Variants in RAP1GAP2 observed in about 807,000 individuals in gnomAD.
RAP1GAP2 encodes RAP1 GTPase activating protein 2.
Under a neutral mutation model 95.0 loss-of-function variants are expected in RAP1GAP2, and 27 were observed. The ratio of observed to expected loss-of-function variants is 0.28; its 90% confidence interval spans 0.21 to 0.39. The LOEUF (loss-of-function observed/expected upper bound fraction) is 0.39. RAP1GAP2 is among the 10% of genes least tolerant of loss of function. RAP1GAP2 has a pLI of 1.00. For synonymous variants in RAP1GAP2, 373 were observed against 380.9 expected, an observed-to-expected ratio of 0.98 and a Z score of 0.24; for missense variants, 771 against 970.0, an observed-to-expected ratio of 0.79 and a Z score of 2.72.
chr17:2,893,012 TTC>T (rs2073770602), intron 2 of RAP1GAP2, among the ~76,000 whole-genome samples: 1 of 152,070 alleles, frequency 6.6e-6, no homozygotes, highest in South Asian at 2.1e-4. Context: ...TTCATCATAT[TTC>T]TTTTTCTCTT....
intron 3 of RAP1GAP2, among the ~76,000 whole-genome samples, chr17:2,915,365 G>C (rs1161924697): frequency 6.6e-6 from 1 of 151,892 alleles, no homozygotes; most frequent in African/African-American, 2.4e-5. Flanking sequence ...CGAGTAGCTG[G>C]GACTACAGGC....
At chr17:2,872,016 G>A (rs1184600078) in intron 2 of RAP1GAP2, among the ~76,000 whole-genome samples, 1 of 151,992 alleles carries the variant, frequency 6.6e-6, no homozygotes, top group Non-Finnish European at 1.5e-5. Context: ...CTGAGGCCAG[G>A]AATTCGAGAC....
At chr17:2,790,856 C>T (rs1487193052) in intron 1 of RAP1GAP2, among the ~76,000 whole-genome samples, 1 of 152,200 alleles carries the variant, frequency 6.6e-6, no homozygotes, top group Non-Finnish European at 1.5e-5. Flanking sequence ...GCCTGAACTG[C>T]CCCCTCCTCT....
At chr17:2,917,863 A>G (rs1567776278) in intron 3 of RAP1GAP2, among the ~76,000 whole-genome samples, 1 of 151,234 alleles carries the variant, frequency 6.6e-6, no homozygotes, top group Admixed American at 6.6e-5. Flanking sequence ...TTACAAGCAC[A>G]TGCCACCACA....
intron 17 of RAP1GAP2, among the ~76,000 whole-genome samples, chr17:3,010,355 A>G (rs908900637): frequency 1.6e-4 from 24 of 151,840 alleles, no homozygotes; most frequent in Non-Finnish European, 2.9e-4. Context: ...AAAAAAAAAA[A>G]AAAAAGAAAA....
Position 2,769,606 on chromosome 17 carries a change from TAAAAA to T in RAP1GAP2, c.51-721_51-717del, listed in dbSNP as rs983659796. The stretch of plus-strand genomic sequence containing the variant: ...ATAAATAAAATAAAATAAAATAAAA[TAAAAA>T]AGAAAAAATAAGTCCAATGTCTTAG... On this transcript the variant is annotated intron_variant, in intron 1 of 25. Transcript: ENST00000637138. Among the ~76,000 whole-genome samples the T allele has an allele frequency of 2.6e-5, 4 of 151,524 alleles. No individual in the cohort carries two copies. The South Asian group carries it at 6.3e-4, about 24-fold the overall frequency.
At chr17:2,880,683 A>G (rs947470136) in intron 2 of RAP1GAP2, among the ~76,000 whole-genome samples, 5 of 151,478 alleles carry the variant, frequency 3.3e-5, no homozygotes, top group East Asian at 3.9e-4. Context: ...TTCTGTCTCT[A>G]TGGATTTGCC....
At chr17:2,890,559 C>G (rs1186524138) in intron 2 of RAP1GAP2, among the ~76,000 whole-genome samples, 1 of 152,102 alleles carries the variant, frequency 6.6e-6, no homozygotes, top group Non-Finnish European at 1.5e-5. Context: ...GTGCTGGGCA[C>G]TGTGAGACGG....
intron 17 of RAP1GAP2, among the ~76,000 whole-genome samples, chr17:3,009,466 C>G (rs117922473): frequency 0.035 from 5,279 of 152,280 alleles, 173 homozygotes; most frequent in Admixed American, 0.1. Context: ...CTCAAAGAGA[C>G]AGAATCATTT....
Position 2,903,567 on chromosome 17 carries a change from C to A in RAP1GAP2, c.81-1717C>A, listed in dbSNP as rs1164077542. Among the ~76,000 whole-genome samples the A allele has an allele frequency of 6.6e-6, 1 of 152,206 alleles. No individual in the cohort carries two copies. The highest frequency in any genetic ancestry group is 1.5e-5 in the Non-Finnish European group (1 of 68,032). ...TTCTTGAGCCAGTTACAGCCTGGAT[C>A]AGGCGGGAGAGTCCCCCCTCTCCAG... On this transcript the variant is annotated intron_variant, in intron 2 of 24. Coordinates refer to ENST00000254695, the MANE Select transcript of RAP1GAP2 (RefSeq NM_015085.5). This position sits in a 1 kb window ranked among gnomAD's most constrained non-coding sequence, Gnocchi z 4.1.
chr17:2,828,428 A>G (rs983274978), intron 2 of RAP1GAP2, among the ~76,000 whole-genome samples: 8 of 152,008 alleles, frequency 5.3e-5, no homozygotes, highest in African/African-American at 1.9e-4. Flanking sequence ...TTGAAAAAAA[A>G]AAAGAAGTGG....
At chr17:2,921,485 G>A (rs2042767938) in intron 3 of RAP1GAP2, among the ~76,000 whole-genome samples, 1 of 152,198 alleles carries the variant, frequency 6.6e-6, no homozygotes. Context: ...TTACAGGCAT[G>A]AGCTACCATG....
chr17:2,877,094 G>A (rs906099843), intron 2 of RAP1GAP2, among the ~76,000 whole-genome samples: 3 of 151,888 alleles, frequency 2.0e-5, no homozygotes, highest in African/African-American at 7.3e-5. Flanking sequence ...TCTCCATGTT[G>A]CTCAGGCTGG....
Position 2,886,159 on chromosome 17 carries a change from G to GTA in RAP1GAP2, c.81-19124_81-19123insAT, listed in dbSNP as rs1183105503. Among the ~76,000 whole-genome samples, 181 of 119,666 alleles carry GTA rather than the reference G, an allele frequency of 1.5e-3. 2 individuals carry two copies. The highest frequency in any genetic ancestry group is 4.6e-3 in the East Asian group (17 of 3,666). 78.5% of individuals were successfully genotyped at this position (119,666 alleles called of 152,430 possible). A position where few individuals can be genotyped will look rare whatever the true frequency, so the allele number is the denominator to read the frequency against. ...TATGTGTGTGTGTGTGTGTGTGTGT[G>GTA]TGTATATATATATTTTTTTTTTTTT... On this transcript the variant is annotated intron_variant, in intron 2 of 24. Transcript: ENST00000254695.
Position 2,947,676 on chromosome 17 carries a change from C to T in RAP1GAP2, c.166-10083C>T, listed in dbSNP as rs201054482. On this transcript the variant is annotated intron_variant, in intron 3 of 24. Transcript: ENST00000254695. ...GCCAGCCTGGTGGCCGGCTGGTTCTCATCCTGCTTGCCCTGTGGATGGGGA... is the reference window on the plus strand; with the variant it reads ...GCCAGCCTGGTGGCCGGCTGGTTCTTATCCTGCTTGCCCTGTGGATGGGGA... Among the ~76,000 whole-genome samples the T allele has an allele frequency of 2.0e-5, 3 of 152,080 alleles. No homozygotes were observed. In the East Asian group the frequency reaches 5.8e-4, roughly 29 times the overall value.
At chr17:2,882,885 C>T (rs2073360074) in intron 2 of RAP1GAP2, among the ~76,000 whole-genome samples, 1 of 152,252 alleles carries the variant, frequency 6.6e-6, no homozygotes, top group Non-Finnish European at 1.5e-5. Context: ...GCGGCTAGCG[C>T]TATGCTGGCA....
intron 2 of RAP1GAP2, among the ~76,000 whole-genome samples, chr17:2,878,874 T>C (rs1205838974): frequency 6.6e-6 from 1 of 152,234 alleles, no homozygotes. Flanking sequence ...TGCAGCTTGC[T>C]GGGCCCCGGT....
At chr17:2,945,814 G>A (rs575991188) in intron 3 of RAP1GAP2, among the ~76,000 whole-genome samples, 46 of 149,950 alleles carry the variant, frequency 3.1e-4, no homozygotes, top group African/African-American at 9.8e-4. Flanking sequence ...TTTTTGAGAC[G>A]AGTTTTGCTC....
chr17:3,033,945 C>CT lies in RAP1GAP2; in HGVS notation c.*585dup, dbSNP rs1305573942. On this transcript the variant is annotated 3_prime_UTR_variant, in exon 25 of 25. Coordinates refer to ENST00000254695, the MANE Select transcript of RAP1GAP2 (RefSeq NM_015085.5). This position sits in a 1 kb window ranked among gnomAD's most constrained non-coding sequence, Gnocchi z 4.9. ...CCGTAGCTCTGGAGCTCTAAACCGT[C>CT]TATCTGCTTCTGTGCTGAACGCCTT... The CT allele has an allele frequency of 3.3e-5, 5 of 152,518 alleles. No individual in the cohort carries two copies. The highest frequency in any genetic ancestry group is 3.3e-4 in the Admixed American group (5 of 15,312). The allele number at this position is 152,518 out of a possible 1,614,324, so 9.4% of individuals were successfully genotyped here.
Sources: gnomAD v4.1 joint callset for allele counts (sites outside exome capture counted in the v4.1 genomes callset) on GRCh38, gnomAD v4.1.1 for gene constraint, Gnocchi (gnomAD v3.1) non-coding constraint, MANE v1.5 for transcripts, NCBI Gene and HGNC (gene_info 2026-07-23, HGNC 2026-07-21) for gene names.